CDH13: variants seen among roughly 807,000 people sequenced by gnomAD.
CDH13 encodes cadherin 13, also known as cadherin-13.
In CDH13, 24 loss-of-function variants were observed where a neutral mutation model predicts 63.8. The observed-to-expected ratio is 0.38, with a 90% CI of 0.27 to 0.53. The LOEUF is 0.53. Ranked by LOEUF, CDH13 falls within the 20% of genes least tolerant of loss-of-function variation. The probability of loss-of-function intolerance (pLI) is 0.85; values close to 1 mark genes in which losing one functional copy is unlikely to be tolerated. For synonymous variants in CDH13, 503 were observed against 355.3 expected, an observed-to-expected ratio of 1.42 and a Z score of -4.67; for missense variants, 1,049 against 903.1, an observed-to-expected ratio of 1.16 and a Z score of -2.07.
chr16:82,942,208 G>A (rs1307717182), intron 2 of CDH13, among the ~76,000 whole-genome samples: 1 of 152,102 alleles, frequency 6.6e-6, no homozygotes, highest in Non-Finnish European at 1.5e-5. Context: ...TTAATTTTGT[G>A]TATGGTGTGA....
At chr16:82,885,261 T>G (rs1222626958) in intron 2 of CDH13, among the ~76,000 whole-genome samples, 2 of 152,188 alleles carry the variant, frequency 1.3e-5, no homozygotes. Flanking sequence ...ACAAAACATT[T>G]TAGAAAATTT....
chr16:83,450,375 ACT>A (rs1204586696), intron 6 of CDH13, among the ~76,000 whole-genome samples: 2 of 151,824 alleles, frequency 1.3e-5, no homozygotes, highest in African/African-American at 4.8e-5. Context: ...TCCCTCTGAG[ACT>A]CTGTTTGCTC....
chr16:83,704,905 C>T (rs1482584522), intron 10 of CDH13, among the ~76,000 whole-genome samples: 2 of 152,218 alleles, frequency 1.3e-5, no homozygotes, highest in African/African-American at 4.8e-5. Context: ...AGGGCAGAGG[C>T]CAGTGCTCCC....
intron 3 of CDH13, among the ~76,000 whole-genome samples, chr16:83,088,542 C>A (rs1000458002): frequency 3.3e-5 from 5 of 152,288 alleles, no homozygotes; most frequent in African/African-American, 2.4e-5. Context: ...TCTGATACAG[C>A]CTTGGGCAAG....
chr16:83,407,441 C>G (rs559499986), intron 6 of CDH13, among the ~76,000 whole-genome samples: 1 of 152,308 alleles, frequency 6.6e-6, no homozygotes, highest in African/African-American at 2.4e-5. Flanking sequence ...AATGTCCAGG[C>G]TGCTAAAGCA....
rs114804569 is a variant in CDH13, at chr16:82,816,882, C to T, written c.46-41480C>T. Among the ~76,000 whole-genome samples the T allele has an allele frequency of 2.9e-3, 444 of 151,920 alleles. 2 individuals are homozygous for T. The highest frequency in any genetic ancestry group is 9.9e-3 in the African/African-American group (412 of 41,418). ...AGCTCCAACTCAGCACAGGATACAA[C>T]GAAAGGATAATGTGATGCTTGGTAC... On this transcript the variant is annotated intron_variant, in intron 1 of 13. Transcript: ENST00000567109.
intron 6 of CDH13, among the ~76,000 whole-genome samples, chr16:83,456,253 T>A (rs557057882): frequency 1.3e-5 from 2 of 152,134 alleles, no homozygotes; most frequent in Non-Finnish European, 2.9e-5. Context: ...GATGTGGCAG[T>A]TACAGGTGTC....
chr16:82,962,965 A>G (rs762599002), intron 2 of CDH13, among the ~76,000 whole-genome samples: 2 of 152,128 alleles, frequency 1.3e-5, no homozygotes, highest in Non-Finnish European at 2.9e-5. Flanking sequence ...AGGTGTAATT[A>G]TTTTTCTTCC....
intron 5 of CDH13, among the ~76,000 whole-genome samples, chr16:83,254,864 C>T (rs748644): frequency 0.18 from 27,682 of 151,988 alleles, 2,742 homozygotes; most frequent in East Asian, 0.35. Context: ...AAAAATGGTC[C>T]CTACTAGGGG....
intron 2 of CDH13, among the ~76,000 whole-genome samples, chr16:82,932,133 T>C (rs1225975110): frequency 6.6e-6 from 1 of 152,220 alleles, no homozygotes; most frequent in African/African-American, 2.4e-5. Context: ...GAAGTCATTC[T>C]ACATTAGTGG....
chr16:83,527,360 A>G (rs1238195341), intron 7 of CDH13, among the ~76,000 whole-genome samples: 2 of 151,842 alleles, frequency 1.3e-5, no homozygotes, highest in African/African-American at 4.8e-5. Context: ...GAGGCAGGAG[A>G]ATGGCGTGAA....
rs191627473 is a variant in CDH13, at chr16:82,855,270, A to G, written c.46-3092A>G. 2.6e-4 allele frequency among the ~76,000 whole-genome samples: 39 copies of G among 152,298 alleles called. No individual in the cohort carries two copies. In the East Asian group the frequency reaches 4.6e-3, roughly 18 times the overall value. ...AGTAATCTCAGAGATTGAGCCACAC[A>G]TAGACAAAGATGGAGAACACAGCTC... is the stretch of plus-strand genomic sequence containing the variant. On this transcript the variant is annotated intron_variant, in intron 1 of 13. Transcript: ENST00000567109.
At chr16:82,969,370 A>T (rs1597323871) in intron 2 of CDH13, among the ~76,000 whole-genome samples, 1 of 152,096 alleles carries the variant, frequency 6.6e-6, no homozygotes, top group East Asian at 1.9e-4. Context: ...ATTTTACCCT[A>T]GGGCTATAAT....
intron 7 of CDH13, among the ~76,000 whole-genome samples, chr16:83,577,917 C>G (rs944848900): frequency 3.9e-5 from 6 of 152,182 alleles, no homozygotes; most frequent in Non-Finnish European, 7.3e-5. Context: ...AATTCTCCTG[C>G]TCTATTTATA....
At chr16:83,322,607 C>T (rs2090255032) in intron 5 of CDH13, among the ~76,000 whole-genome samples, 1 of 152,124 alleles carries the variant, frequency 6.6e-6, no homozygotes, top group Non-Finnish European at 1.5e-5. Flanking sequence ...CACAGTGTCC[C>T]ACGGGCCATC....
At chr16:82,759,028 T>G (rs2151080673) in intron 1 of CDH13, among the ~76,000 whole-genome samples, 1 of 152,302 alleles carries the variant, frequency 6.6e-6, no homozygotes, top group Non-Finnish European at 1.5e-5. Context: ...TTCTAAGGGC[T>G]TTCTCAGCAT....
chr16:83,633,652 G>T (rs886343303), intron 8 of CDH13, among the ~76,000 whole-genome samples: 8 of 152,126 alleles, frequency 5.3e-5, no homozygotes, highest in Non-Finnish European at 1.0e-4. Context: ...ATTGCTCATT[G>T]GTGGAGGCTT....
chr16:83,243,996 A>G (rs983799958), intron 5 of CDH13, among the ~76,000 whole-genome samples: 7 of 152,184 alleles, frequency 4.6e-5, no homozygotes, highest in East Asian at 1.9e-4. Context: ...TCATGGAACC[A>G]TATAAATTCA....
At chr16:83,401,996 T>A (rs78772255) in intron 6 of CDH13, among the ~76,000 whole-genome samples, 5,908 of 152,256 alleles carry the variant, frequency 0.039, 127 homozygotes, top group East Asian at 0.059. Flanking sequence ...GCAATGACTT[T>A]TCAAAAGAAA....
Sources: allele counts gnomAD v4.1 joint callset (sites outside exome capture counted in the v4.1 genomes callset), GRCh38; gene constraint gnomAD v4.1.1; transcripts MANE v1.5; gene names NCBI Gene and HGNC (gene_info 2026-07-23, HGNC 2026-07-21).